Variants in CDH6 observed in about 807,000 individuals in gnomAD.
The protein encoded by CDH6 is cadherin 6, also known as cadherin-6.
A neutral mutation model predicts 78.0 loss-of-function variants in CDH6; 31 were observed. The observed-to-expected ratio is 0.40, with a 90% CI of 0.30 to 0.54. The LOEUF (loss-of-function observed/expected upper bound fraction) is 0.54, where lower values mean the gene tolerates loss of function less well. Among genes scored for constraint, CDH6 ranks in the 20% least tolerant of loss-of-function variants. The pLI is 0.56. For missense variants in CDH6, 724 were observed against 975.9 expected (o/e 0.74, Z 3.44); for synonymous variants, 376 against 368.8 (o/e 1.02, Z -0.23).
intron 1 of CDH6, among the ~76,000 whole-genome samples, chr5:31,217,084 T>C (rs1355603806): frequency 6.6e-6 from 1 of 152,128 alleles, no homozygotes; most frequent in Non-Finnish European, 1.5e-5. Flanking sequence ...TGCAACAATA[T>C]AGACCTGTTA....
In CDH6 at chr5:31,302,240, A is replaced by G; in HGVS notation, c.941A>G (p.Asp314Gly). The part of the protein sequence containing the change: ...EYSITDGEGL[D>G]MFDVITDQET... Reference sequence around the variant, plus strand: ...AGCATCACAGACGGTGAGGGGCTGGATATGTTTGATGTCATCACCGACCAG... The same window carrying G: ...AGCATCACAGACGGTGAGGGGCTGGGTATGTTTGATGTCATCACCGACCAG... The change falls in exon 6 of 12, where the codon GAT becomes GGT. Residue 314 changes from aspartate (D) to glycine (G), a missense_variant. Asp to Gly is a moderately conservative substitution (Grantham distance 94, BLOSUM62 -1). Around this residue, in one of 3 missense-constraint regions of CDH6, gnomAD observed 446 missense variants for 684.5 expected, o/e 0.65. Coordinates refer to ENST00000265071, the MANE Select transcript of CDH6 (RefSeq NM_004932.4). 1.2e-6 allele frequency: 2 copies of G among 1,614,096 alleles called. No individual in the cohort carries two copies. The highest frequency in any genetic ancestry group is 1.3e-5 in the African/African-American group (1 of 75,038).
Position 31,225,419 on chromosome 5 carries a change from G to A in CDH6, c.-129+31533G>A, listed in dbSNP as rs80107709. Among the ~76,000 whole-genome samples, 233 of 152,180 alleles carry A rather than the reference G, an allele frequency of 1.5e-3. 1 individual carries two copies. Among genetic ancestry groups the A allele is most frequent in the African/African-American group, 5.2e-3 (218 of 41,524 alleles). ...TACACTGTCTGTATTAGTCATTCCC[G>A]CATTGCGATAAAGAACTACTGAGAC... On this transcript the variant is annotated intron_variant, in intron 1 of 11. Coordinates refer to ENST00000265071, the MANE Select transcript of CDH6 (RefSeq NM_004932.4).
chr5:31,269,744 A>G (rs1034008462), intron 2 of CDH6, among the ~76,000 whole-genome samples: 30 of 152,262 alleles, frequency 2.0e-4, no homozygotes, highest in African/African-American at 7.2e-4. Flanking sequence ...AAATCTCTTT[A>G]CAACCACAGC....
At chr5:31,221,634 T>C (rs1017244515) in intron 1 of CDH6, among the ~76,000 whole-genome samples, 2 of 152,230 alleles carry the variant, frequency 1.3e-5, no homozygotes, top group African/African-American at 2.4e-5. Context: ...CTTAGAGTTA[T>C]GATGAAACTT....
chr5:31,292,225 G>A (rs1245183107), intron 2 of CDH6, among the ~76,000 whole-genome samples: 4 of 152,106 alleles, frequency 2.6e-5, no homozygotes, highest in African/African-American at 7.2e-5. Flanking sequence ...GGGGGATATC[G>A]ATATAAGTTA....
chr5:31,209,166 T>A (rs1740622560), intron 1 of CDH6, among the ~76,000 whole-genome samples: 1 of 152,230 alleles, frequency 6.6e-6, no homozygotes, highest in African/African-American at 2.4e-5. Flanking sequence ...GTTTGTTTGT[T>A]TTTTTAACAT....
chr5:31,233,549 ATAT>A (rs891701664), intron 1 of CDH6, among the ~76,000 whole-genome samples: 10 of 151,548 alleles, frequency 6.6e-5, no homozygotes, highest in African/African-American at 1.9e-4. Flanking sequence ...TTTGCTTATC[ATAT>A]TTCCTTGTTA....
rs1393092498 is a variant in CDH6 at position 31,267,613 on chromosome 5, A to G, written c.140A>G (p.Glu47Gly). The change falls in exon 2 of 12, where the codon GAG becomes GGG. Residue 47 changes from glutamate (E) to glycine (G), a missense_variant. By Grantham distance (98) the Glu-to-Gly change is moderately conservative. Around this residue, in one of 3 missense-constraint regions of CDH6, gnomAD observed 58 missense variants for 50.8 expected, o/e 1.14. Transcript: ENST00000265071. Reference sequence around the variant, plus strand: ...GAGCTCTCTGGAAACAGCAAAAATGAGCTGAACCGTTCAAAAAGGAGCTGG... The same window carrying G: ...GAGCTCTCTGGAAACAGCAAAAATGGGCTGAACCGTTCAAAAAGGAGCTGG... ...ALELSGNSKN[E>G]LNRSKRSWMW... 1.2e-6 allele frequency: 2 copies of G among 1,614,032 alleles called. No individual in the cohort carries two copies. The highest frequency in any genetic ancestry group is 1.7e-6 in the Non-Finnish European group (2 of 1,180,030).
Position 31,267,715 on chromosome 5 carries a change from G to A in CDH6, c.228+14G>A. 6.3e-7 allele frequency: 1 copy of A among 1,588,592 alleles called. No homozygotes were observed. The highest frequency in any genetic ancestry group is 8.6e-7 in the Non-Finnish European group (1 of 1,156,730). ...TATGTGGGCAAGGTAGGATTCCTTT[G>A]AGTGCTTTGACATTCTGGGTTTAAA... On this transcript the variant is annotated intron_variant, in intron 2 of 11. Coordinates refer to ENST00000265071, the MANE Select transcript of CDH6 (RefSeq NM_004932.4).
intron 1 of CDH6, among the ~76,000 whole-genome samples, chr5:31,253,031 A>G (rs1203466175): frequency 6.6e-6 from 1 of 152,248 alleles, no homozygotes; most frequent in Non-Finnish European, 1.5e-5. Context: ...AGAAATTTAT[A>G]TCTCAATGTT....
At chr5:31,206,255 A>G (rs1740518731) in intron 1 of CDH6, among the ~76,000 whole-genome samples, 1 of 152,210 alleles carries the variant, frequency 6.6e-6, no homozygotes, top group African/African-American at 2.4e-5. Flanking sequence ...CAAATACAAA[A>G]AAAGTCAAAG....
chr5:31,267,752 T>C, intron 2 of CDH6, 51 bp downstream of exon 2: 1 of 1,321,914 alleles, frequency 7.6e-7, no homozygotes, highest in African/African-American at 1.4e-5. Context: ...CCTGAAGAAG[T>C]TACTTCTAAT....
chr5:31,230,674 A>G (rs1436675607), intron 1 of CDH6, among the ~76,000 whole-genome samples: 1 of 152,154 alleles, frequency 6.6e-6, no homozygotes, highest in Non-Finnish European at 1.5e-5. Context: ...AAACTAACCT[A>G]TGATTTAGAA....
At chr5:31,259,687 G>A (rs1403410166) in intron 1 of CDH6, among the ~76,000 whole-genome samples, 1 of 152,196 alleles carries the variant, frequency 6.6e-6, no homozygotes, top group Non-Finnish European at 1.5e-5. Context: ...CTAATTAAAA[G>A]TATAAAAATG....
chr5:31,262,235 T>C (rs968784983), intron 1 of CDH6, among the ~76,000 whole-genome samples: 3 of 152,226 alleles, frequency 2.0e-5, no homozygotes, highest in Non-Finnish European at 2.9e-5. Flanking sequence ...TTGAAGTACA[T>C]ATGCATATTG....
chr5:31,302,798 G>GAGAGAGAA (rs1282911479), intron 6 of CDH6, among the ~76,000 whole-genome samples: 84 of 36,594 alleles, frequency 2.3e-3, no homozygotes, highest in Non-Finnish European at 3.8e-3. Context: ...GAGAGAGAGA[G>GAGAGAGAA]AGAAAGAAAG....
At chr5:31,271,894 T>C (rs996373562) in intron 2 of CDH6, among the ~76,000 whole-genome samples, 23 of 152,162 alleles carry the variant, frequency 1.5e-4, no homozygotes, top group African/African-American at 5.5e-4. Flanking sequence ...CTTCCCTGGG[T>C]CTCACCTCCC....
intron 1 of CDH6, among the ~76,000 whole-genome samples, chr5:31,222,307 C>T (rs939247467): frequency 3.9e-5 from 6 of 152,104 alleles, no homozygotes; most frequent in African/African-American, 1.2e-4. Flanking sequence ...AATCCTGCCA[C>T]CTTGTAAAAG....
chr5:31,258,326 T>C (rs1484690746), intron 1 of CDH6, among the ~76,000 whole-genome samples: 2 of 152,180 alleles, frequency 1.3e-5, no homozygotes, highest in African/African-American at 2.4e-5. Flanking sequence ...GATGAGTTCA[T>C]GTCCTTTGCA....
Sources: gnomAD v4.1 joint callset for allele counts (sites outside exome capture counted in the v4.1 genomes callset) on GRCh38, gnomAD v4.1.1 for gene constraint, gnomAD v4.1.1 regional missense constraint, MANE v1.5 for transcripts, NCBI Gene and HGNC (gene_info 2026-07-23, HGNC 2026-07-21) for gene names.